STK3: variants seen among roughly 807,000 people sequenced by gnomAD.
STK3 encodes the protein serine/threonine-protein kinase 3.
STK3 carries 41 observed loss-of-function variants against 58.0 expected under a neutral mutation model. The ratio of observed to expected loss-of-function variants is 0.71; its 90% CI spans 0.55 to 0.92. STK3 has a LOEUF of 0.92. Ranked by LOEUF, STK3 falls within the 40% of genes least tolerant of loss-of-function variation. STK3 has a pLI of 0.00. For synonymous variants in STK3, 170 were observed against 191.0 expected (o/e 0.89, Z 0.91); for missense variants, 479 against 602.7 (o/e 0.79, Z 2.15).
intron 4 of STK3, among the ~76,000 whole-genome samples, chr8:98,707,518 T>G (rs912059846): frequency 1.1e-4 from 17 of 152,068 alleles, no homozygotes; most frequent in Non-Finnish European, 8.8e-5. Context: ...TGCTCCCACC[T>G]CAGCTTCCCG....
At chr8:98,601,562 TAG>T (rs1489493845) in intron 6 of STK3, 1 of 152,198 alleles carries the variant, frequency 6.6e-6, no homozygotes, top group East Asian at 1.9e-4. Context: ...TCAAGAAATT[TAG>T]AGTCTAATGG....
At chr8:98,380,702 T>G (rs1023581787) in intron 1 of STK3, among the ~76,000 whole-genome samples, 10 of 152,200 alleles carry the variant, frequency 6.6e-5, no homozygotes, top group Non-Finnish European at 1.0e-4. Context: ...AGGTGATAGT[T>G]TAATCCATGA....
At chr8:98,843,816 A>G (rs1836088818) in intron 3 of STK3, among the ~76,000 whole-genome samples, 1 of 152,224 alleles carries the variant, frequency 6.6e-6, no homozygotes, top group South Asian at 2.1e-4. Flanking sequence ...TAGAAGTTCA[A>G]GAACAGCCTG....
At chr8:98,715,451 C>T (rs1281163238) in intron 4 of STK3, among the ~76,000 whole-genome samples, 4 of 151,878 alleles carry the variant, frequency 2.6e-5, no homozygotes, top group Non-Finnish European at 4.4e-5. Flanking sequence ...AAAAAACAAC[C>T]CCATCAAAAA....
chr8:98,374,936 T>C (rs1392913256), intron 2 of STK3, among the ~76,000 whole-genome samples: 1 of 152,032 alleles, frequency 6.6e-6, no homozygotes, highest in Non-Finnish European at 1.5e-5. Flanking sequence ...TACCTTAAAT[T>C]TTTTTATTTT....
chr8:98,752,404 G>A (rs1349529214), intron 3 of STK3, among the ~76,000 whole-genome samples: 3 of 152,090 alleles, frequency 2.0e-5, no homozygotes, highest in Non-Finnish European at 2.9e-5. Flanking sequence ...AGCCATATGC[G>A]GAAGATTGAA....
At chr8:98,450,911 T>C (rs1819169003), downstream of STK3, among the ~76,000 whole-genome samples, 1 of 152,192 alleles carries the variant, frequency 6.6e-6, no homozygotes, top group African/African-American at 2.4e-5. Context: ...TATTAGGCTA[T>C]GTGGTCTAGC....
At chr8:98,920,662 A>T (rs1839523278) in intron 1 of STK3, among the ~76,000 whole-genome samples, 1 of 152,132 alleles carries the variant, frequency 6.6e-6, no homozygotes, top group Non-Finnish European at 1.5e-5. Flanking sequence ...TTCAAATGTT[A>T]CCCATGTGCA....
chr8:98,903,556 C>CATCTTCTTCTTCTT, intron 1 of STK3, among the ~76,000 whole-genome samples: 1 of 50,518 alleles, frequency 2.0e-5, no homozygotes, highest in Admixed American at 2.6e-4. Flanking sequence ...TCTTCTTCTT[C>CATCTTCTTCTTCTT]CTTTTTTTTT....
intron 3 of STK3, among the ~76,000 whole-genome samples, chr8:98,838,016 G>C (rs190898546): frequency 1.3e-5 from 2 of 148,190 alleles, no homozygotes; most frequent in Admixed American, 1.4e-4. Context: ...ATCACTTGAG[G>C]TTAGGAGTTT....
At chr8:98,443,875 T>C (rs1049082857) in intron 1 of STK3, among the ~76,000 whole-genome samples, 4 of 152,186 alleles carry the variant, frequency 2.6e-5, no homozygotes, top group Non-Finnish European at 4.4e-5. Flanking sequence ...AAGACATGCA[T>C]CATAAGAAAT....
At chr8:98,723,648 A>C (rs1827599369) in intron 4 of STK3, among the ~76,000 whole-genome samples, 1 of 152,196 alleles carries the variant, frequency 6.6e-6, no homozygotes, top group South Asian at 2.1e-4. Flanking sequence ...ATAATTACTT[A>C]TGCATATAAA....
At chr8:98,638,255 T>G (rs1231643277) in intron 6 of STK3, among the ~76,000 whole-genome samples, 2 of 152,360 alleles carry the variant, frequency 1.3e-5, no homozygotes, top group Non-Finnish European at 1.5e-5. Flanking sequence ...CATTCACCAT[T>G]ATTACAAAAA....
In STK3 at chr8:98,806,931, G is replaced by A. The variant is rs573055459; in HGVS notation, c.26+18584C>T. ...ACACTTTGGGAGGCCAAGGCAGGCG[G>A]ATCACAAGGTCAGGAGATCGAAACC... On this transcript the variant is annotated intron_variant, in intron 1 of 10. Transcript: ENST00000419617. Among the ~76,000 whole-genome samples the A allele has an allele frequency of 5.6e-4, 85 of 152,202 alleles. 1 individual carries two copies. Among genetic ancestry groups the A allele is most frequent in the African/African-American group, 1.7e-3 (72 of 41,564 alleles).
chr8:98,503,119 G>C (rs1173172169), intron 10 of STK3, among the ~76,000 whole-genome samples: 1 of 151,924 alleles, frequency 6.6e-6, no homozygotes, highest in Non-Finnish European at 1.5e-5. Context: ...ACTTCTTCCT[G>C]GTTTTTTGGT....
chr8:98,843,616 C>A (rs193262503), intron 3 of STK3, among the ~76,000 whole-genome samples: 1 of 152,214 alleles, frequency 6.6e-6, no homozygotes, highest in African/African-American at 2.4e-5. Flanking sequence ...CTTCCACAAC[C>A]TCTTCTTGTC....
chr8:98,543,234 G>C (rs1810433587), intron 9 of STK3, among the ~76,000 whole-genome samples: 1 of 152,202 alleles, frequency 6.6e-6, no homozygotes, highest in Non-Finnish European at 1.5e-5. Flanking sequence ...TGAGAAGCTG[G>C]AAGAAGGATG....
intron 8 of STK3, among the ~76,000 whole-genome samples, chr8:98,571,279 G>A (rs1220354285): frequency 1.3e-5 from 2 of 152,042 alleles, no homozygotes; most frequent in African/African-American, 2.4e-5. Context: ...GCAGTAAGCC[G>A]GGGATCACGC....
chr8:98,738,491 A>AAAAT (rs1014613705), intron 4 of STK3, among the ~76,000 whole-genome samples: 5 of 152,056 alleles, frequency 3.3e-5, no homozygotes, highest in African/African-American at 1.2e-4. Context: ...AATAAAAAAT[A>AAAAT]AAATAAATAA....
Sources: gnomAD v4.1 joint callset for allele counts (sites outside exome capture counted in the v4.1 genomes callset) on GRCh38, gnomAD v4.1.1 for gene constraint, MANE v1.5 for transcripts, NCBI Gene and HGNC (gene_info 2026-07-23, HGNC 2026-07-21) for gene names.